PTHLH: variants seen among roughly 807,000 people sequenced by gnomAD.
PTHLH encodes parathyroid hormone-related protein.
PTHLH carries 5 observed loss-of-function variants against 18.6 expected under a neutral mutation model. The ratio of observed to expected loss-of-function variants is 0.27; its 90% CI spans 0.14 to 0.56. The LOEUF (loss-of-function observed/expected upper bound fraction) is 0.56. PTHLH is among the 20% of genes least tolerant of loss of function. The probability of loss-of-function intolerance (pLI) is 0.92; values close to 1 mark genes in which losing one functional copy is unlikely to be tolerated. For missense variants in PTHLH, 207 were observed against 223.9 expected, an observed-to-expected ratio of 0.92 and a Z score of 0.48; for synonymous variants, 90 against 94.0, an observed-to-expected ratio of 0.96 and a Z score of 0.25.
chr12:27,963,353 A>C lies in PTHLH; in HGVS notation c.519T>G (p.Asp173Glu). Residue 173 changes from aspartate to glutamate, a missense_variant, in exon 5 of 6, where the codon GAT becomes GAG. By Grantham distance (45) the Asp-to-Glu change is conservative. Coordinates refer to ENST00000545234, the MANE Select transcript of PTHLH (RefSeq NM_198965.2). ...GGGCCAGAGAAGCCTGTTACCGTGA[A>C]TCGAGCTCCAGCGACGTTGTGGAGG... ...SDTSTTSLELDSRRH is the reference protein window; with the variant it reads ...SDTSTTSLELESRRH The C allele has an allele frequency of 6.2e-7, 1 of 1,614,224 alleles. No homozygotes were observed.
At chr12:27,963,977 T>C (rs961337070) in intron 4 of PTHLH, among the ~76,000 whole-genome samples, 12 of 152,114 alleles carry the variant, frequency 7.9e-5, no homozygotes, top group Non-Finnish European at 1.8e-4. Context: ...ATGGTCCCAG[T>C]TCTACCACTC....
intron 2 of PTHLH, among the ~76,000 whole-genome samples, chr12:27,971,560 C>G (rs1043735381): frequency 2.0e-5 from 3 of 152,078 alleles, no homozygotes; most frequent in African/African-American, 7.2e-5. Context: ...TGATGCTCCA[C>G]ATATTTTACC....
intron 5 of PTHLH, among the ~76,000 whole-genome samples, chr12:27,961,311 A>ATACACG (rs1555124120): frequency 1.9e-4 from 21 of 108,712 alleles, no homozygotes; most frequent in South Asian, 5.8e-4. Flanking sequence ...GTATATATAT[A>ATACACG]TATATATATA....
rs1318095948 is a variant in PTHLH at position 27,971,955 on chromosome 12, T to C, written c.-294A>G. 2 of 124,862 alleles carry C rather than the reference T, an allele frequency of 1.6e-5. No individual in the cohort carries two copies. Among genetic ancestry groups the C allele is most frequent in the African/African-American group, 6.2e-5 (2 of 32,510 alleles). 7.7% of individuals were successfully genotyped at this position (124,862 alleles called of 1,614,324 possible). On this transcript the variant is annotated 5_prime_UTR_variant, in exon 2 of 6. Transcript: ENST00000545234. ...TGAACCTCGAACACTTTCTGATTTA[T>C]AAAAAGAATCCTTCCAAAAAGATGC...
intron 5 of PTHLH, chr12:27,961,838 C>A: frequency 6.8e-6 from 4 of 592,572 alleles, no homozygotes; most frequent in Non-Finnish European, 1.2e-5. Context: ...GGTTCAAGGT[C>A]CCCTTTGAAG....
At chr12:27,965,228 A>G (rs2062801414) in intron 4 of PTHLH, among the ~76,000 whole-genome samples, 1 of 152,236 alleles carries the variant, frequency 6.6e-6, no homozygotes, top group South Asian at 2.1e-4. Context: ...TCTGATTCTA[A>G]AGCCAAGACT....
rs148751046 is a variant in PTHLH, at chr12:27,966,745, C to T, written c.101+2649G>A. On this transcript the variant is annotated intron_variant, in intron 4 of 5. Coordinates refer to ENST00000545234, the MANE Select transcript of PTHLH (RefSeq NM_198965.2). ...AAAATTGCAAAATTTTGGGGAAATG[C>T]TTATCATAGATAACCCTAAATTCAG... 1.1e-3 allele frequency among the ~76,000 whole-genome samples: 175 copies of T among 152,176 alleles called. 1 individual carries two copies. In the East Asian group the frequency reaches 0.031, roughly 27 times the overall value.
At position 27,962,642 on chromosome 12, in the gene PTHLH, T is replaced by C. The variant is rs985197612; in HGVS notation, c.524+706A>G. 4.1e-6 allele frequency: 4 copies of C among 985,272 alleles called. No homozygotes were observed. The African/African-American group carries it at 7.0e-5, about 17-fold the overall frequency. The allele number at this position is 985,272 out of a possible 1,614,324, so 61.0% of individuals were successfully genotyped here. ...TTACCCTAGAAAAATTATTTCATCT[T>C]GCCAATGAACAAAAAGATACATGAG... On this transcript the variant is annotated intron_variant, in intron 5 of 5. Transcript: ENST00000545234.
chr12:27,971,176 G>A (rs2062869130), intron 2 of PTHLH, among the ~76,000 whole-genome samples: 1 of 152,058 alleles, frequency 6.6e-6, no homozygotes, highest in South Asian at 2.1e-4. Context: ...CCAGGTTACA[G>A]ATTCTTGGAA....
At chr12:27,960,534 A>G (rs2120602608) in intron 5 of PTHLH, among the ~76,000 whole-genome samples, 1 of 152,088 alleles carries the variant, frequency 6.6e-6, no homozygotes, top group African/African-American at 2.4e-5. Flanking sequence ...CCTGGCCAAC[A>G]TGGCGAAACC....
rs2062843983 is a variant in PTHLH at position 27,969,171 on chromosome 12, C to T, written c.101+223G>A. On this transcript the variant is annotated intron_variant, in intron 4 of 5. Transcript: ENST00000545234. ...AAACGCTCCCTCTTATGGAAACACA[C>T]ATAAAGTCTCTCTCTTGCCTGTCTC... 1.2e-5 allele frequency: 7 copies of T among 581,852 alleles called. No individual in the cohort carries two copies. In the Admixed American group the frequency reaches 1.8e-4, roughly 15 times the overall value. The allele number at this position is 581,852 out of a possible 1,614,324, so 36.0% of individuals were successfully genotyped here. A position where few individuals can be genotyped will look rare whatever the true frequency, so the allele number is the denominator to read the frequency against.
rs1179306267 is a variant in PTHLH at position 27,963,769 on chromosome 12, T to C, written c.103A>G (p.Lys35Glu). ...AGCTGATGTTCAGACACAGCTCTTT[T>C]GCTTTGAAAGAAAATATTAGAGGGG... ...RSVEGLSRRL[K>E]RAVSEHQLLH... The change falls in exon 5 of 6, where the codon AAA becomes GAA. Residue 35 changes from lysine to glutamate, a missense_variant and splice_region_variant. Lys to Glu is a moderately conservative substitution (Grantham distance 56). Coordinates refer to ENST00000545234, the MANE Select transcript of PTHLH (RefSeq NM_198965.2). 6.2e-7 allele frequency: 1 copy of C among 1,614,070 alleles called. No individual in the cohort carries two copies.
At chr12:27,969,932 C>T (rs966363252) in intron 3 of PTHLH, 93 bp downstream of exon 3, 4 of 519,608 alleles carry the variant, frequency 7.7e-6, no homozygotes, top group African/African-American at 5.8e-5. Flanking sequence ...GAAAGTTTCC[C>T]CCTCTGAAGT....
chr12:27,959,473 C>T (rs571449388), intron 5 of PTHLH, among the ~76,000 whole-genome samples: 10 of 151,966 alleles, frequency 6.6e-5, no homozygotes, highest in South Asian at 6.2e-4. Flanking sequence ...GATGGGTTAG[C>T]GGAGTTTTCT....
At chr12:27,964,450 A>C (rs546861843) in intron 4 of PTHLH, among the ~76,000 whole-genome samples, 9 of 151,108 alleles carry the variant, frequency 6.0e-5, no homozygotes, top group Non-Finnish European at 1.0e-4. Context: ...TACCAAGAAC[A>C]TACATTTGAA....
rs2062808300 is a variant in PTHLH at position 27,965,871 on chromosome 12, A to C, written c.102-2101T>G. Among the ~76,000 whole-genome samples the C allele has an allele frequency of 1.3e-5, 2 of 152,268 alleles. 1 individual carries two copies. Among genetic ancestry groups the C allele is most frequent in the African/African-American group, 4.8e-5 (2 of 41,470 alleles). On this transcript the variant is annotated intron_variant, in intron 4 of 5. Transcript: ENST00000545234. The stretch of plus-strand genomic sequence containing the variant: ...TATAATTGCATATTTCATAAGCACT[A>C]CAGTTTAATAAGTATCTTTTAGCAA...
At chr12:27,963,151 G>T (rs1485958729) in intron 5 of PTHLH, 197 bp downstream of exon 5, 2 of 1,472,758 alleles carry the variant, frequency 1.4e-6, no homozygotes, top group Admixed American at 4.4e-5. Context: ...GGTGCTGGAG[G>T]ACAGGGGTGT....
At chr12:27,969,157 C>T in intron 4 of PTHLH, 6 of 562,604 alleles carry the variant, frequency 1.1e-5, no homozygotes, top group Non-Finnish European at 1.9e-5. Flanking sequence ...AACGCTCCCT[C>T]TTATGGAAAC....
chr12:27,965,257 A>G (rs561984125), intron 4 of PTHLH, among the ~76,000 whole-genome samples: 3 of 152,286 alleles, frequency 2.0e-5, no homozygotes, highest in African/African-American at 4.8e-5. Context: ...AATTTCCTCA[A>G]CGCTTTCTCC....
Sources: allele counts gnomAD v4.1 joint callset (sites outside exome capture counted in the v4.1 genomes callset), GRCh38; gene constraint gnomAD v4.1.1; transcripts MANE v1.5; gene names NCBI Gene and HGNC (gene_info 2026-07-23, HGNC 2026-07-21).